The following CLTCL1 variants were observed in gnomAD, a reference collection of about 807,000 sequenced individuals.
The protein encoded by CLTCL1 is clathrin heavy chain like 1.
In CLTCL1, 159 loss-of-function variants were observed where a neutral mutation model predicts 190.0. The ratio of observed to expected loss-of-function variants is 0.84; its 90% confidence interval spans 0.74 to 0.95. CLTCL1 has a LOEUF of 0.95. CLTCL1 is among the 40% of genes least tolerant of loss of function. CLTCL1 has a pLI of 0.00. For synonymous variants in CLTCL1, 752 were observed against 769.6 expected (o/e 0.98, Z 0.38); for missense variants, 1,878 against 2,033.4 (o/e 0.92, Z 1.47).
intron 26 of CLTCL1, among the ~76,000 whole-genome samples, chr22:19,191,694 C>T (rs905880129): frequency 6.6e-6 from 1 of 152,122 alleles, no homozygotes; most frequent in Non-Finnish European, 1.5e-5. Flanking sequence ...GTATCTGATG[C>T]AGGGTCCACG....
Position 19,221,518 on chromosome 22 carries a change from G to T in CLTCL1, c.2655C>A (p.Asp885Glu), listed in dbSNP as rs1006587305. ...GGAAGCACTCGGGGCTGTTGTTGCT[G>T]TCGATGTAGATTTTAGCCAGTGCAT... ...THNALAKIYIDSNNSPECFLR... is the reference protein window; with the variant it reads ...THNALAKIYIESNNSPECFLR... Residue 885 changes from aspartate to glutamate, a missense_variant, in exon 17 of 33, where the codon GAC becomes GAA. Coordinates refer to ENST00000427926, the MANE Select transcript of CLTCL1 (RefSeq NM_007098.4). The T allele has an allele frequency of 4.4e-6, 7 of 1,604,924 alleles. No homozygotes were observed. Among genetic ancestry groups the T allele is most frequent in the Non-Finnish European group, 6.0e-6 (7 of 1,175,630 alleles).
intron 24 of CLTCL1, among the ~76,000 whole-genome samples, chr22:19,197,965 G>T (rs1400050832): frequency 6.6e-6 from 1 of 152,120 alleles, no homozygotes; most frequent in Non-Finnish European, 1.5e-5. Context: ...CTCTAGCTAG[G>T]CCCCTCCTCT....
chr22:19,249,875 C>A, intron 3 of CLTCL1: 1 of 421,102 alleles, frequency 2.4e-6, no homozygotes, highest in Non-Finnish European at 4.8e-6. Flanking sequence ...AAAAAATCGC[C>A]AGGTACCATG....
chr22:19,268,731 T>A (rs2087203596), intron 2 of CLTCL1, among the ~76,000 whole-genome samples: 1 of 152,164 alleles, frequency 6.6e-6, no homozygotes, highest in Non-Finnish European at 1.5e-5. Flanking sequence ...GAAACTGGCA[T>A]CCTCATACAT....
intron 26 of CLTCL1, among the ~76,000 whole-genome samples, chr22:19,195,334 T>A (rs1255807266): frequency 3.3e-5 from 5 of 152,144 alleles, no homozygotes; most frequent in Non-Finnish European, 7.4e-5. Flanking sequence ...AACATGGATG[T>A]CCTCCAACAA....
chr22:19,192,884 A>G (rs1480972118), intron 26 of CLTCL1, among the ~76,000 whole-genome samples: 1 of 152,184 alleles, frequency 6.6e-6, no homozygotes, highest in Non-Finnish European at 1.5e-5. Context: ...GTCCACTCCT[A>G]TTGGAGCTCT....
Position 19,275,693 on chromosome 22 carries a change from A to G in CLTCL1, c.180T>C (p.Ala60=), listed in dbSNP as rs1555982867. ...CTGCAGAGATAGGCCGTCGGATCGGAGCCATTGGGTCACTCATGTCAATGA... is the reference window on the plus strand; with the variant it reads ...CTGCAGAGATAGGCCGTCGGATCGGGGCCATTGGGTCACTCATGTCAATGA... ...VTIIDMSDPM[A]PIRRPISAES... Residue 60 remains alanine (A), a synonymous_variant, in exon 2 of 33, where the codon GCT becomes GCC. Transcript: ENST00000427926. The G allele has an allele frequency of 1.2e-6, 2 of 1,606,670 alleles. No individual in the cohort carries two copies. Among genetic ancestry groups the G allele is most frequent in the South Asian group, 2.2e-5 (2 of 89,358 alleles).
intron 22 of CLTCL1, 57 bp from the exon 23 acceptor site, chr22:19,201,550 AG>A: frequency 6.4e-7 from 1 of 1,556,622 alleles, no homozygotes; most frequent in Non-Finnish European, 8.8e-7. Context: ...ATTTCTCCAG[AG>A]TTGCTTTTAA....
chr22:19,273,382 A>G (rs1555981592), intron 2 of CLTCL1, among the ~76,000 whole-genome samples: 1 of 152,242 alleles, frequency 6.6e-6, no homozygotes, highest in African/African-American at 2.4e-5. Context: ...ACAAGACTCA[A>G]CATGTTATAG....
chr22:19,283,991 C>CAAAAA (rs1221211147), intron 1 of CLTCL1, among the ~76,000 whole-genome samples: 1 of 62,458 alleles, frequency 1.6e-5, no homozygotes. Flanking sequence ...GACCCTGTCT[C>CAAAAA]AAAAAAAAAA....
intron 11 of CLTCL1, among the ~76,000 whole-genome samples, chr22:19,229,195 CAT>C (rs2085844088): frequency 6.6e-6 from 1 of 152,162 alleles, no homozygotes; most frequent in South Asian, 2.1e-4. Context: ...CCCAAATGTT[CAT>C]CAATGGATGA....
intron 2 of CLTCL1, among the ~76,000 whole-genome samples, chr22:19,268,901 C>T (rs1555979133): frequency 6.6e-6 from 1 of 151,988 alleles, no homozygotes; most frequent in Admixed American, 6.6e-5. Flanking sequence ...ACCATCCTGG[C>T]CAACATGGTG....
chr22:19,199,862 G>A (rs782746222), intron 23 of CLTCL1, 21 bp from the exon 24 acceptor site: 11 of 1,549,326 alleles, frequency 7.1e-6, no homozygotes, highest in Middle Eastern at 1.7e-4. Flanking sequence ...GAGGGCAAGC[G>A]TGAGGGTCCC....
chr22:19,217,238 G>C (rs1219066523), intron 18 of CLTCL1, among the ~76,000 whole-genome samples: 2 of 152,192 alleles, frequency 1.3e-5, no homozygotes, highest in African/African-American at 4.8e-5. Context: ...GGGTATGCCT[G>C]AGGGAAAGGG....
intron 1 of CLTCL1, among the ~76,000 whole-genome samples, chr22:19,278,661 T>C (rs782289486): frequency 3.3e-5 from 5 of 152,196 alleles, no homozygotes; most frequent in Non-Finnish European, 5.9e-5. Context: ...CATCCTCTCC[T>C]AGTTTAGTTC....
intron 2 of CLTCL1, among the ~76,000 whole-genome samples, chr22:19,269,403 GA>G (rs1299147034): frequency 2.7e-5 from 4 of 149,912 alleles, no homozygotes; most frequent in African/African-American, 9.8e-5. Flanking sequence ...GACTCCATCT[GA>G]AAAAAAAAGC....
At chr22:19,275,548 A>G (rs928023485) in intron 2 of CLTCL1, 75 bp downstream of exon 2, 113 of 1,414,528 alleles carry the variant, frequency 8.0e-5, no homozygotes, top group Non-Finnish European at 1.1e-4. Context: ...GCTTAGTGAC[A>G]CTTGTTCAAT....
In CLTCL1 at chr22:19,188,067, G is replaced by T. The variant is rs535724317; in HGVS notation, c.4348C>A (p.Pro1450Thr). The T allele has an allele frequency of 5.0e-6, 8 of 1,614,030 alleles. No individual in the cohort carries two copies. The highest frequency in any genetic ancestry group is 1.6e-4 in the Middle Eastern group (1 of 6,062). ...SKAGQLPLVK[P>T]YLRSVQSHNN... ...TGGCTCTGGACTGACCGCAGGTAAGGCTTCACCAGGGGCAGCTGACCTGCC... is the reference window on the plus strand; with the variant it reads ...TGGCTCTGGACTGACCGCAGGTAAGTCTTCACCAGGGGCAGCTGACCTGCC... Residue 1450 changes from proline to threonine, a missense_variant, in exon 28 of 33, where the codon CCT becomes ACT. By Grantham distance (38) the Pro-to-Thr change is conservative. Transcript: ENST00000427926.
intron 3 of CLTCL1, 70 bp downstream of exon 3, chr22:19,253,889 A>C: frequency 6.5e-7 from 1 of 1,547,794 alleles, no homozygotes; most frequent in Non-Finnish European, 8.8e-7. Flanking sequence ...CTAATGATTT[A>C]ACCACTCCAT....
Sources: gnomAD v4.1 joint callset for allele counts (sites outside exome capture counted in the v4.1 genomes callset) on GRCh38, gnomAD v4.1.1 for gene constraint, MANE v1.5 for transcripts, NCBI Gene and HGNC (gene_info 2026-07-23, HGNC 2026-07-21) for gene names.